Variants in TENM1 observed in about 807,000 individuals in gnomAD.
The protein encoded by TENM1 is teneurin transmembrane protein 1.
Under a neutral mutation model 174.8 loss-of-function variants are expected in TENM1, and 35 were observed. That is an observed-to-expected ratio of 0.20 (90% CI 0.15 to 0.27). The LOEUF (loss-of-function observed/expected upper bound fraction) is 0.27. TENM1 is among the 10% of genes least tolerant of loss of function. The pLI is 1.00. For missense variants in TENM1, 1,633 were observed against 2,130.1 expected, an observed-to-expected ratio of 0.77 and a Z score of 4.59; for synonymous variants, 781 against 798.7, an observed-to-expected ratio of 0.98 and a Z score of 0.37.
chrX:124,718,042 C>T (rs912336608), intron 4 of TENM1, among the ~76,000 whole-genome samples: 2 of 112,348 alleles, frequency 1.8e-5, no homozygotes, highest in African/African-American at 6.5e-5. Flanking sequence ...TCTACAATGC[C>T]CTCTATACTT....
At chrX:124,526,633 A>T (rs1241416793) in intron 16 of TENM1, among the ~76,000 whole-genome samples, 1 of 112,414 alleles carries the variant, frequency 8.9e-6, no homozygotes, top group East Asian at 2.8e-4. Context: ...CAGGTTATTA[A>T]GTCATATGAG....
the TENM1 span, among the ~76,000 whole-genome samples, chrX:125,129,949 A>G: frequency 9.0e-6 from 1 of 111,714 alleles, no homozygotes; most frequent in Non-Finnish European, 1.9e-5. Flanking sequence ...TCCTTTCTTC[A>G]GAGCAAATAC....
chrX:125,164,194 C>T, the TENM1 span, among the ~76,000 whole-genome samples: 1 of 111,657 alleles, frequency 9.0e-6, no homozygotes. Context: ...GTACACAAAG[C>T]CTGAACTGAC....
intron 22 of TENM1, among the ~76,000 whole-genome samples, chrX:124,477,858 T>C (rs926367833): frequency 4.5e-5 from 5 of 112,030 alleles, no homozygotes; most frequent in Non-Finnish European, 9.4e-5. Flanking sequence ...CTGGGTAAAT[T>C]TCTTTTTTAA....
the TENM1 span, among the ~76,000 whole-genome samples, chrX:125,192,020 G>A: frequency 9.0e-6 from 1 of 110,785 alleles, no homozygotes; most frequent in Admixed American, 9.7e-5. Context: ...CAGCAAGAAG[G>A]CAGCATCTTG....
intron 1 of TENM1, among the ~76,000 whole-genome samples, chrX:124,951,673 T>TAC (rs767583231): frequency 1.5e-5 from 1 of 66,078 alleles, no homozygotes; most frequent in Admixed American, 1.9e-4. Flanking sequence ...TATATATATA[T>TAC]AACAATCAAT....
intron 29 of TENM1, 105 bp from the exon 33 acceptor site, chrX:124,384,959 A>C (rs762470790): frequency 7.7e-5 from 56 of 723,924 alleles, no homozygotes; most frequent in Non-Finnish European, 1.1e-4. Context: ...TATATTCATA[A>C]TACAATATTA....
At chrX:124,794,657 T>TA (rs771567329) in intron 3 of TENM1, among the ~76,000 whole-genome samples, 6 of 111,013 alleles carry the variant, frequency 5.4e-5, no homozygotes, top group Admixed American at 3.8e-4. Context: ...GAATAAACTT[T>TA]AAAAAAACAA....
At chrX:124,881,939 G>C (rs1280626495) in intron 3 of TENM1, among the ~76,000 whole-genome samples, 1 of 111,571 alleles carries the variant, frequency 9.0e-6, no homozygotes, top group Non-Finnish European at 1.9e-5. Flanking sequence ...GTGTCGGCCA[G>C]GCTGGCCTCA....
chrX:125,138,275 G>A, the TENM1 span, among the ~76,000 whole-genome samples: 1 of 110,128 alleles, frequency 9.1e-6, no homozygotes, highest in Non-Finnish European at 1.9e-5. Context: ...CAGTAGCAGA[G>A]ATGGATTTTC....
At chrX:124,494,619 G>A (rs1225758753) in intron 20 of TENM1, among the ~76,000 whole-genome samples, 1 of 108,546 alleles carries the variant, frequency 9.2e-6, no homozygotes, top group Non-Finnish European at 1.9e-5. Flanking sequence ...CCACTAACTC[G>A]TCATCTAGCA....
intron 3 of TENM1, among the ~76,000 whole-genome samples, chrX:124,757,808 A>T (rs1359945010): frequency 8.9e-6 from 1 of 112,575 alleles, no homozygotes; most frequent in Non-Finnish European, 1.9e-5. Context: ...GGAACTTCTT[A>T]CACGTAAATT....
intron 3 of TENM1, among the ~76,000 whole-genome samples, chrX:124,839,334 G>T (rs774426188): frequency 1.8e-5 from 2 of 111,572 alleles, no homozygotes. Flanking sequence ...TTAACTCTGG[G>T]AAGGAAAGAA....
At chrX:124,557,624 C>T (rs2048724025) in intron 14 of TENM1, among the ~76,000 whole-genome samples, 1 of 111,207 alleles carries the variant, frequency 9.0e-6, no homozygotes, top group South Asian at 3.8e-4. Context: ...TATTTTACCC[C>T]ATTGATTTTT....
chrX:124,392,260 C>T lies in TENM1; in HGVS notation c.5480G>A (p.Arg1827Gln), dbSNP rs2060289824. 4 of 1,210,130 alleles carry T rather than the reference C, an allele frequency of 3.3e-6. No individual in the cohort carries two copies. The highest frequency in any genetic ancestry group is 2.3e-4 in the Middle Eastern group (1 of 4,352). The change falls in exon 28 of 32, where the codon CGA (arginine) becomes CAA (glutamine). Residue 1827 changes from arginine (R) to glutamine (Q), a missense_variant. This residue lies in a region of TENM1 where 807 missense variants were observed against 1,125.3 expected (regional missense o/e 0.72). Transcript: ENST00000422452. ...TCGCCCAGTCTGGTCATAAAGAATT[C>T]GAAGGGTGAATTTTCGATGGTCATC...
chrX:125,004,553 C>T, the TENM1 span, among the ~76,000 whole-genome samples: 1 of 112,046 alleles, frequency 8.9e-6, no homozygotes, highest in African/African-American at 3.2e-5. Context: ...TTAGTAATTG[C>T]AACTTTACAT....
At chrX:124,655,596 C>T (rs747283723) in intron 6 of TENM1, among the ~76,000 whole-genome samples, 1 of 112,392 alleles carries the variant, frequency 8.9e-6, no homozygotes, top group Admixed American at 9.4e-5. Context: ...AAGAAACACA[C>T]CTGCAGTGGC....
At chrX:124,426,917 G>C (rs12156733) in intron 23 of TENM1, among the ~76,000 whole-genome samples, 1 of 111,405 alleles carries the variant, frequency 9.0e-6, no homozygotes, top group Non-Finnish European at 1.9e-5. Flanking sequence ...CACTGAGAGG[G>C]AGAGTGAACG....
At chrX:124,933,615 A>C (rs1156617223) in intron 1 of TENM1, among the ~76,000 whole-genome samples, 2 of 112,494 alleles carry the variant, frequency 1.8e-5, no homozygotes, top group Non-Finnish European at 3.8e-5. Flanking sequence ...TTAGAAATTT[A>C]CTATTAGTGA....
Sources: allele counts gnomAD v4.1 joint callset (sites outside exome capture counted in the v4.1 genomes callset), GRCh38; gene constraint gnomAD v4.1.1; regional missense constraint gnomAD v4.1.1; transcripts MANE v1.5; gene names NCBI Gene and HGNC (gene_info 2026-07-23, HGNC 2026-07-21).